AFAP1L2: variants seen among roughly 807,000 people sequenced by gnomAD.
AFAP1L2 encodes the protein actin filament-associated protein 1-like 2.
Under a neutral mutation model 99.3 loss-of-function variants are expected in AFAP1L2, and 46 were observed. The observed-to-expected ratio is 0.46, with a 90% CI of 0.37 to 0.59. AFAP1L2 has a LOEUF of 0.59. Among genes scored for constraint, AFAP1L2 ranks in the 20% least tolerant of loss-of-function variants. The pLI is 0.00. For synonymous variants in AFAP1L2, 397 were observed against 419.1 expected, an observed-to-expected ratio of 0.95 and a Z score of 0.64; for missense variants, 959 against 1,034.9, an observed-to-expected ratio of 0.93 and a Z score of 1.01.
intron 1 of AFAP1L2, among the ~76,000 whole-genome samples, chr10:114,349,383 C>CAAAAAAAAAAAAAAAAAAAAAAAA (rs113553514): frequency 1.2e-5 from 1 of 86,246 alleles, no homozygotes; most frequent in African/African-American, 4.8e-5. Context: ...AACTCGGTCT[C>CAAAAAAAAAAAAAAAAAAAAAAAA]AAAAAAAAAA....
chr10:114,394,576 GA>G (rs2057493448), intron 1 of AFAP1L2, among the ~76,000 whole-genome samples: 1 of 152,064 alleles, frequency 6.6e-6, no homozygotes, highest in Admixed American at 6.6e-5. Flanking sequence ...GAAACAGAGT[GA>G]AAAAGTGGGA....
the AFAP1L2 span, chr10:114,286,027 C>T: frequency 6.2e-7 from 1 of 1,614,168 alleles, no homozygotes; most frequent in Non-Finnish European, 8.5e-7. Flanking sequence ...TCCTGCGGGC[C>T]AAAGTCTTCG....
At chr10:114,392,847 A>G (rs1353742139) in intron 1 of AFAP1L2, among the ~76,000 whole-genome samples, 1 of 152,192 alleles carries the variant, frequency 6.6e-6, no homozygotes, top group East Asian at 1.9e-4. Context: ...CTCCAATAGA[A>G]CAAGGTCCTT....
At chr10:114,383,031 A>T (rs2055917305) in intron 1 of AFAP1L2, among the ~76,000 whole-genome samples, 1 of 152,090 alleles carries the variant, frequency 6.6e-6, no homozygotes, top group Non-Finnish European at 1.5e-5. Flanking sequence ...TATAACAAAC[A>T]CTCACATGTA....
chr10:114,379,908 T>C (rs767832953), intron 1 of AFAP1L2, among the ~76,000 whole-genome samples: 5 of 152,232 alleles, frequency 3.3e-5, no homozygotes, highest in Non-Finnish European at 5.9e-5. Flanking sequence ...GAAGAGATGA[T>C]GATTTCATTG....
intron 1 of AFAP1L2, among the ~76,000 whole-genome samples, chr10:114,386,231 A>G (rs1268622545): frequency 6.6e-6 from 1 of 152,064 alleles, no homozygotes; most frequent in East Asian, 1.9e-4. Flanking sequence ...GATGGAATAT[A>G]TTTTGAAATA....
chr10:114,326,118 G>T, intron 4 of AFAP1L2: 1 of 1,139,588 alleles, frequency 8.8e-7, no homozygotes. Flanking sequence ...CACAGGGTCT[G>T]TCCCTGGGGG....
At chr10:114,350,225 C>T (rs2050252443) in intron 1 of AFAP1L2, among the ~76,000 whole-genome samples, 1 of 152,190 alleles carries the variant, frequency 6.6e-6, no homozygotes, top group South Asian at 2.1e-4. Context: ...GACCTCAGTC[C>T]TACCAAGGGC....
intron 1 of AFAP1L2, among the ~76,000 whole-genome samples, chr10:114,379,499 G>A (rs552931017): frequency 6.6e-6 from 1 of 152,310 alleles, no homozygotes; most frequent in South Asian, 2.1e-4. Context: ...CCACCAGATG[G>A]AATAGTTAAA....
intron 1 of AFAP1L2, among the ~76,000 whole-genome samples, chr10:114,391,831 G>A (rs377544564): frequency 3.8e-4 from 58 of 152,276 alleles, no homozygotes; most frequent in African/African-American, 1.2e-3. Flanking sequence ...CAAGGAGCCC[G>A]GTATGACTGT....
chr10:114,385,117 A>T (rs1327455905), intron 1 of AFAP1L2, among the ~76,000 whole-genome samples: 2 of 152,130 alleles, frequency 1.3e-5, no homozygotes, highest in Non-Finnish European at 2.9e-5. Context: ...GGTGGGTGTG[A>T]TCGGGAAGGT....
chr10:114,293,253 A>G (rs1287066108), downstream of AFAP1L2, among the ~76,000 whole-genome samples: 3 of 152,262 alleles, frequency 2.0e-5, no homozygotes, highest in Admixed American at 6.5e-5. Flanking sequence ...GGGCAGGATC[A>G]CATGCTCCCT....
At chr10:114,337,437 C>T (rs1012539825) in intron 2 of AFAP1L2, among the ~76,000 whole-genome samples, 4 of 152,190 alleles carry the variant, frequency 2.6e-5, no homozygotes, top group African/African-American at 9.7e-5. Context: ...AGGGAAGTTC[C>T]GTTAAACAGT....
chr10:114,353,424 A>C (rs1416647948), intron 1 of AFAP1L2, among the ~76,000 whole-genome samples: 1 of 152,218 alleles, frequency 6.6e-6, no homozygotes, highest in Non-Finnish European at 1.5e-5. Context: ...GCAAACTGAG[A>C]GTGAACTACT....
At chr10:114,299,473 C>T in intron 15 of AFAP1L2, 58 bp from the exon 16 acceptor site, 2 of 1,598,438 alleles carry the variant, frequency 1.3e-6, no homozygotes, top group South Asian at 2.2e-5. Context: ...AGGGCTGTCC[C>T]CAGTCTACTC....
chr10:114,376,783 T>C (rs987725502), intron 1 of AFAP1L2, among the ~76,000 whole-genome samples: 2 of 152,190 alleles, frequency 1.3e-5, no homozygotes, highest in Non-Finnish European at 2.9e-5. Flanking sequence ...ATTTCAACAC[T>C]ATCCAAGGGA....
intron 1 of AFAP1L2, among the ~76,000 whole-genome samples, chr10:114,350,433 T>C (rs1590411736): frequency 6.6e-6 from 1 of 152,352 alleles, no homozygotes; most frequent in African/African-American, 2.4e-5. Flanking sequence ...CCTCCCCCTC[T>C]GTGCCTAGAT....
intron 10 of AFAP1L2, among the ~76,000 whole-genome samples, chr10:114,306,164 TG>T (rs1360712244): frequency 6.1e-5 from 2 of 32,918 alleles, no homozygotes; most frequent in South Asian, 2.7e-3. Flanking sequence ...CAGGACGGGA[TG>T]GGGCTGCAGG....
chr10:114,323,725 A>G (rs2045761130), intron 4 of AFAP1L2, among the ~76,000 whole-genome samples: 1 of 152,234 alleles, frequency 6.6e-6, no homozygotes, highest in Admixed American at 6.5e-5. Context: ...ATATAGTTCA[A>G]TCACTCATTC....
Sources: allele counts gnomAD v4.1 joint callset (sites outside exome capture counted in the v4.1 genomes callset), GRCh38; gene constraint gnomAD v4.1.1; transcripts MANE v1.5; gene names NCBI Gene and HGNC (gene_info 2026-07-23, HGNC 2026-07-21).